Variants in EHD3 observed in about 807,000 individuals in gnomAD.
The protein encoded by EHD3 is EH domain-containing protein 3.
Under a neutral mutation model 43.0 loss-of-function variants are expected in EHD3, and 17 were observed. That is an observed-to-expected ratio of 0.40 (90% CI 0.27 to 0.59). EHD3 has a LOEUF of 0.59. Ranked by LOEUF, EHD3 falls within the 20% of genes least tolerant of loss-of-function variation. The probability of loss-of-function intolerance (pLI) is 0.49; values close to 1 mark genes in which losing one functional copy is unlikely to be tolerated. For synonymous variants in EHD3, 313 were observed against 289.5 expected (o/e 1.08, Z -0.82); for missense variants, 594 against 705.6 (o/e 0.84, Z 1.79).
rs997406867 is a variant in EHD3 at position 31,267,086 on chromosome 2, A to G, written c.*382A>G. The G allele has an allele frequency of 5.2e-6, 1 of 192,650 alleles. No individual in the cohort carries two copies. Among genetic ancestry groups the G allele is most frequent in the African/African-American group, 2.3e-5 (1 of 42,918 alleles). The allele number at this position is 192,650 out of a possible 1,614,324, so 11.9% of individuals were successfully genotyped here. A position where few individuals can be genotyped will look rare whatever the true frequency, so the allele number is the denominator to read the frequency against. On this transcript the variant is annotated 3_prime_UTR_variant, in exon 6 of 6. Transcript: ENST00000322054. ...CACCCGGGCTCTGAGCAAATGGAAAAGACTTTTCATTTAGTAGACAATTCA... is the reference window on the plus strand; with the variant it reads ...CACCCGGGCTCTGAGCAAATGGAAAGGACTTTTCATTTAGTAGACAATTCA...
chr2:31,248,697 C>T (rs887339307), intron 2 of EHD3, among the ~76,000 whole-genome samples: 1 of 152,190 alleles, frequency 6.6e-6, no homozygotes, highest in South Asian at 2.1e-4. Context: ...GCTTGTGATC[C>T]TCTGGCCATA....
chr2:31,247,711 A>G (rs1683553417), intron 2 of EHD3, among the ~76,000 whole-genome samples: 1 of 152,224 alleles, frequency 6.6e-6, no homozygotes, highest in Non-Finnish European at 1.5e-5. Flanking sequence ...TCCAGTGGGC[A>G]CAGGCTTGGA....
chr2:31,248,477 C>G (rs945332124), intron 2 of EHD3, among the ~76,000 whole-genome samples: 24 of 152,300 alleles, frequency 1.6e-4, no homozygotes, highest in African/African-American at 5.8e-4. Flanking sequence ...GGCCTCCTGT[C>G]CTGCACCAGG....
Position 31,260,157 on chromosome 2 carries a change from T to C in EHD3, c.503-353T>C, listed in dbSNP as rs146504888. ...CAGAGGTTGCAGTGAGCAGAGGCAG[T>C]GCCACTACACTCCAGCCTGGGTGAG... is the stretch of plus-strand genomic sequence containing the variant. On this transcript the variant is annotated intron_variant, in intron 3 of 5. Transcript: ENST00000322054. This position sits in a 1 kb window ranked among gnomAD's most constrained non-coding sequence, Gnocchi z 4.6. Among the ~76,000 whole-genome samples the C allele has an allele frequency of 8.0e-3, 1,216 of 152,112 alleles. 21 individuals are homozygous for C. Among genetic ancestry groups the C allele is most frequent in the African/African-American group, 0.026 (1,074 of 41,490 alleles).
At chr2:31,239,169 A>T (rs531607349) in intron 1 of EHD3, among the ~76,000 whole-genome samples, 1 of 152,328 alleles carries the variant, frequency 6.6e-6, no homozygotes, top group East Asian at 1.9e-4. Context: ...TTACAGCGCC[A>T]CTGCGCCGGG....
rs1227899472 is a variant in EHD3 at position 31,245,625 on chromosome 2, G to A, written c.404+1175G>A. Reference sequence around the variant, plus strand: ...TGCCCAAGCTGGAGTGCAATGGCGCGATCTCAGCTCATCGCAAACTCTGCC... The same window carrying A: ...TGCCCAAGCTGGAGTGCAATGGCGCAATCTCAGCTCATCGCAAACTCTGCC... On this transcript the variant is annotated intron_variant, in intron 2 of 5. Transcript: ENST00000322054. 7.1e-5 allele frequency among the ~76,000 whole-genome samples: 10 copies of A among 141,746 alleles called. No homozygotes were observed. The East Asian group carries it at 1.8e-3, about 26-fold the overall frequency. The allele number at this position is 141,746 out of a possible 152,430, so 93.0% of individuals were successfully genotyped here.
intron 5 of EHD3, among the ~76,000 whole-genome samples, chr2:31,264,750 G>A (rs1212326118): frequency 6.6e-6 from 1 of 151,658 alleles, no homozygotes; most frequent in Non-Finnish European, 1.5e-5. Flanking sequence ...GGCCAGGATG[G>A]TCTCGATCTC....
At chr2:31,246,151 A>T (rs1007045564) in intron 2 of EHD3, among the ~76,000 whole-genome samples, 1 of 151,810 alleles carries the variant, frequency 6.6e-6, no homozygotes, top group African/African-American at 2.4e-5. Context: ...AAGAATGAGG[A>T]GGTCGTGGTG....
chr2:31,237,713 C>T lies in EHD3; in HGVS notation c.227+2865C>T, dbSNP rs927175490. Among the ~76,000 whole-genome samples, 3 of 152,302 alleles carry T rather than the reference C, an allele frequency of 2.0e-5. No homozygotes were observed. In the East Asian group the frequency reaches 5.8e-4, roughly 29 times the overall value. ...GAACCACTGCGTCTGGCCAGTTTTT[C>T]TTACTTATAGCATGAACATTTCCTA... On this transcript the variant is annotated intron_variant, in intron 1 of 5. Coordinates refer to ENST00000322054, the MANE Select transcript of EHD3 (RefSeq NM_014600.3).
chr2:31,255,812 G>A (rs948227531), intron 3 of EHD3, among the ~76,000 whole-genome samples: 2 of 152,132 alleles, frequency 1.3e-5, no homozygotes, highest in East Asian at 1.9e-4. Context: ...GGAGGCCTCT[G>A]CTTATAAAAT....
At chr2:31,248,372 C>G (rs1273333231) in intron 2 of EHD3, among the ~76,000 whole-genome samples, 3 of 152,240 alleles carry the variant, frequency 2.0e-5, no homozygotes, top group African/African-American at 7.2e-5. Flanking sequence ...GAAGCCATCT[C>G]TCTGCCTTGA....
intron 1 of EHD3, among the ~76,000 whole-genome samples, chr2:31,236,817 G>A (rs1683332772): frequency 6.6e-6 from 1 of 152,186 alleles, no homozygotes; most frequent in Non-Finnish European, 1.5e-5. Flanking sequence ...GGAAGATGGG[G>A]AGAGGTGAGG....
At chr2:31,250,038 C>T (rs924307679) in intron 3 of EHD3, among the ~76,000 whole-genome samples, 5 of 141,518 alleles carry the variant, frequency 3.5e-5, no homozygotes, top group African/African-American at 1.3e-4. Flanking sequence ...CTGCCTCTGC[C>T]ACTTCATAGC....
intron 3 of EHD3, among the ~76,000 whole-genome samples, chr2:31,259,036 G>A (rs1321423732): frequency 1.3e-5 from 2 of 152,192 alleles, no homozygotes; most frequent in African/African-American, 4.8e-5. Context: ...TGTGAGGCAG[G>A]GCAGGCTTTT....
chr2:31,243,448 CTTTCTTTCTTTCTT>C lies in EHD3; in HGVS notation c.228-822_228-809del, dbSNP rs1387771182. ...TCTTTCTTTCTTTCTTTCTTTCTTT[CTTTCTTTCTTTCTT>C]TTTTTTTTTTTGAGACAGAGTTTCG... On this transcript the variant is annotated intron_variant, in intron 1 of 5. Coordinates refer to ENST00000322054, the MANE Select transcript of EHD3 (RefSeq NM_014600.3). Among the ~76,000 whole-genome samples, 36 of 67,008 alleles carry C rather than the reference CTTTCTTTCTTTCTT, an allele frequency of 5.4e-4. 3 individuals carry two copies. 44.0% of individuals were successfully genotyped at this position (67,008 alleles called of 152,430 possible).
rs1417905015 is a variant in EHD3, at chr2:31,267,007, A to G, written c.*303A>G. On this transcript the variant is annotated 3_prime_UTR_variant, in exon 6 of 6. Transcript: ENST00000322054. ...CTCCCCAGATACCAGACCTGAGGCA[A>G]TTCACTTGCCAGCACAGATGGCCAA... 1 of 367,480 alleles carries G rather than the reference A, an allele frequency of 2.7e-6. No individual in the cohort carries two copies. The highest frequency in any genetic ancestry group is 2.0e-5 in the African/African-American group (1 of 48,882). 22.8% of individuals were successfully genotyped at this position (367,480 alleles called of 1,614,324 possible). A position where few individuals can be genotyped will look rare whatever the true frequency, so the allele number is the denominator to read the frequency against.
In EHD3 at chr2:31,266,691, A is replaced by T. The variant is rs1484673203; in HGVS notation, c.1595A>T (p.Lys532Ile). 1.2e-6 allele frequency: 2 copies of T among 1,603,244 alleles called. No homozygotes were observed. Among genetic ancestry groups the T allele is most frequent in the Non-Finnish European group, 1.7e-6 (2 of 1,173,790 alleles). The change falls in exon 6 of 6, where the codon AAA becomes ATA. Residue 532 changes from lysine to isoleucine, a missense_variant. Transcript: ENST00000322054. The surrounding 1 kb of genome is among the most constrained non-coding windows in gnomAD (Gnocchi z 5.1). ...CACCTCCTGCCCCCGTCCAAGAGGA[A>T]AGTTGCCGAGTGATGGGGTGGGGGG... Reference protein sequence around the residue: ...PAHLLPPSKRKVAE With the variant: ...PAHLLPPSKRIVAE
intron 1 of EHD3, among the ~76,000 whole-genome samples, chr2:31,235,697 T>A (rs1172685322): frequency 6.6e-6 from 1 of 152,148 alleles, no homozygotes; most frequent in Non-Finnish European, 1.5e-5. Context: ...TGAGAATGAG[T>A]CATCCATTCC....
rs778192677 is a variant in EHD3 at position 31,266,334 on chromosome 2, C to T, written c.1238C>T (p.Ala413Val). Residue 413 changes from alanine to valine, a missense_variant, in exon 6 of 6, where the codon GCG becomes GTG. Around this residue, in one of 3 missense-constraint regions of EHD3, gnomAD observed 322 missense variants for 348.0 expected, o/e 0.93. Coordinates refer to ENST00000322054, the MANE Select transcript of EHD3 (RefSeq NM_014600.3). This position sits in a 1 kb window ranked among gnomAD's most constrained non-coding sequence, Gnocchi z 5.1. ...QRPIQMVKGG[A>V]FEGTLHGPFG... ...CCCATCCAGATGGTGAAGGGCGGAG[C>T]GTTCGAGGGCACCCTGCACGGCCCC... is the stretch of plus-strand genomic sequence containing the variant. The T allele has an allele frequency of 4.3e-6, 7 of 1,614,036 alleles. No individual in the cohort carries two copies. The highest frequency in any genetic ancestry group is 5.9e-6 in the Non-Finnish European group (7 of 1,180,034).
Sources: allele counts gnomAD v4.1 joint callset (sites outside exome capture counted in the v4.1 genomes callset), GRCh38; gene constraint gnomAD v4.1.1; regional missense constraint gnomAD v4.1.1; non-coding constraint Gnocchi (gnomAD v3.1); transcripts MANE v1.5; gene names NCBI Gene and HGNC (gene_info 2026-07-23, HGNC 2026-07-21).